The following DPP10 variants were observed in gnomAD, a reference collection of about 807,000 sequenced individuals.
DPP10 encodes the protein inactive dipeptidyl peptidase 10.
DPP10 carries 33 observed loss-of-function variants against 120.9 expected under a neutral mutation model. The observed-to-expected ratio is 0.27, with a 90% CI of 0.21 to 0.37. DPP10 has a LOEUF of 0.37. DPP10 is among the 10% of genes least tolerant of loss of function. The pLI, the probability that DPP10 is intolerant of heterozygous loss-of-function variation, is 1.00. For synonymous variants in DPP10, 337 were observed against 326.1 expected (o/e 1.03, Z -0.36); for missense variants, 816 against 942.8 (o/e 0.87, Z 1.76).
At chr2:114,933,290 G>A (rs982871923) in intron 1 of DPP10, among the ~76,000 whole-genome samples, 2 of 152,288 alleles carry the variant, frequency 1.3e-5, no homozygotes, top group Admixed American at 1.3e-4. Flanking sequence ...CATTGGTGCT[G>A]CCTGGGTACC....
At chr2:115,715,230 T>C (rs2092451783) in intron 7 of DPP10, among the ~76,000 whole-genome samples, 2 of 145,950 alleles carry the variant, frequency 1.4e-5, no homozygotes, top group African/African-American at 5.1e-5. Flanking sequence ...TCCCAGCTAC[T>C]TAGGAGGCTG....
intron 1 of DPP10, among the ~76,000 whole-genome samples, chr2:114,730,899 T>C (rs1235878049): frequency 6.6e-6 from 1 of 151,746 alleles, no homozygotes; most frequent in Non-Finnish European, 1.5e-5. Context: ...CCAGCTTTTT[T>C]TTTTCTTTTT....
chr2:115,477,630 G>T (rs1189580451), intron 3 of DPP10, among the ~76,000 whole-genome samples: 1 of 151,994 alleles, frequency 6.6e-6, no homozygotes, highest in Non-Finnish European at 1.5e-5. Context: ...ATGATTTTTT[G>T]CATAAATAGA....
intron 7 of DPP10, among the ~76,000 whole-genome samples, chr2:115,708,486 C>A (rs1375828941): frequency 6.6e-6 from 1 of 151,986 alleles, no homozygotes; most frequent in African/African-American, 2.4e-5. Flanking sequence ...TTATCCTAAT[C>A]ACTGTTTCTA....
chr2:115,613,168 G>A (rs943902295), intron 5 of DPP10, among the ~76,000 whole-genome samples: 2 of 152,144 alleles, frequency 1.3e-5, no homozygotes, highest in African/African-American at 2.4e-5. Flanking sequence ...ATGCTTGGAT[G>A]CTATTTTTAT....
chr2:115,504,211 T>C (rs1445571137), intron 4 of DPP10, among the ~76,000 whole-genome samples: 3 of 151,894 alleles, frequency 2.0e-5, no homozygotes, highest in Non-Finnish European at 2.9e-5. Flanking sequence ...AATTTTTGGA[T>C]GATACTTCTG....
At chr2:114,602,338 T>C (rs1692442933) in intron 1 of DPP10, among the ~76,000 whole-genome samples, 1 of 151,890 alleles carries the variant, frequency 6.6e-6, no homozygotes, top group African/African-American at 2.4e-5. Flanking sequence ...TGTGTGTGCA[T>C]GTGTGAATTT....
chr2:115,240,036 T>C (rs2058198227), intron 1 of DPP10, among the ~76,000 whole-genome samples: 1 of 152,224 alleles, frequency 6.6e-6, no homozygotes, highest in South Asian at 2.1e-4. Context: ...AAGTCTTTGC[T>C]GTTGTGAATA....
chr2:115,164,456 AT>A (rs767219458), intron 1 of DPP10, among the ~76,000 whole-genome samples: 3 of 152,158 alleles, frequency 2.0e-5, no homozygotes, highest in Non-Finnish European at 2.9e-5. Context: ...CATAAAAAAG[AT>A]TCATAAATTT....
intron 1 of DPP10, among the ~76,000 whole-genome samples, chr2:114,947,913 C>A (rs997485780): frequency 2.6e-5 from 4 of 151,732 alleles, no homozygotes; most frequent in African/African-American, 9.7e-5. Context: ...CATAAGTCTC[C>A]CCTCCCCACC....
At chr2:115,826,640 G>A (rs907952667) in intron 21 of DPP10, among the ~76,000 whole-genome samples, 3 of 152,158 alleles carry the variant, frequency 2.0e-5, no homozygotes, top group African/African-American at 4.8e-5. Context: ...AGAATTGCTT[G>A]AACCTGGGAG....
intron 4 of DPP10, among the ~76,000 whole-genome samples, chr2:115,520,563 C>T (rs2077746811): frequency 6.6e-6 from 1 of 151,446 alleles, no homozygotes; most frequent in Non-Finnish European, 1.5e-5. Context: ...TTTTTATTAC[C>T]AGCTTATTCC....
At chr2:115,451,820 A>C (rs902355277) in intron 3 of DPP10, among the ~76,000 whole-genome samples, 1 of 152,010 alleles carries the variant, frequency 6.6e-6, no homozygotes, top group African/African-American at 2.4e-5. Flanking sequence ...ATTTAGAATA[A>C]ATGTAAGTTT....
intron 3 of DPP10, among the ~76,000 whole-genome samples, chr2:115,485,899 C>G (rs141923215): frequency 6.6e-6 from 1 of 152,106 alleles, no homozygotes; most frequent in East Asian, 1.9e-4. Flanking sequence ...ATAATGTCAA[C>G]TGAGAGTGTT....
At chr2:114,751,892 C>T (rs148708925) in intron 1 of DPP10, among the ~76,000 whole-genome samples, 3,508 of 152,244 alleles carry the variant, frequency 0.023, 67 homozygotes, top group South Asian at 0.062. Context: ...GCTTACCAGT[C>T]GCCCGGGATT....
intron 1 of DPP10, among the ~76,000 whole-genome samples, chr2:114,720,615 G>A (rs1701643821): frequency 6.6e-6 from 1 of 152,174 alleles, no homozygotes; most frequent in Non-Finnish European, 1.5e-5. Flanking sequence ...AATGCTCAGA[G>A]AACATGAGCC....
At chr2:114,790,241 C>T (rs1369114035) in intron 1 of DPP10, among the ~76,000 whole-genome samples, 2 of 152,188 alleles carry the variant, frequency 1.3e-5, no homozygotes, top group African/African-American at 4.8e-5. Flanking sequence ...TTCCTGATTA[C>T]TCAGCTTTTG....
At position 114,484,656 on chromosome 2, in the gene DPP10, TAGAAATACA is replaced by T. The variant is rs796796708; in HGVS notation, c.60+41819_60+41827del. On this transcript the variant is annotated intron_variant, in intron 1 of 25. Coordinates refer to ENST00000410059, the MANE Select transcript of DPP10 (RefSeq NM_020868.6). ...GCAGTGGCTTCATCTAGGAGTTTGC[TAGAAATACA>T]GCCTCTCTCATCCCACACCAGAACT... Among the ~76,000 whole-genome samples, 11 of 152,260 alleles carry T rather than the reference TAGAAATACA, an allele frequency of 7.2e-5. 1 individual carries two copies. The highest frequency in any genetic ancestry group is 2.6e-4 in the African/African-American group (11 of 41,564).
intron 1 of DPP10, among the ~76,000 whole-genome samples, chr2:115,295,608 G>T (rs1347520624): frequency 6.6e-6 from 1 of 152,006 alleles, no homozygotes; most frequent in Non-Finnish European, 1.5e-5. Flanking sequence ...CTTTTTAAAT[G>T]CCTATATGGT....
Sources: gnomAD v4.1 joint callset for allele counts (sites outside exome capture counted in the v4.1 genomes callset) on GRCh38, gnomAD v4.1.1 for gene constraint, MANE v1.5 for transcripts, NCBI Gene and HGNC (gene_info 2026-07-23, HGNC 2026-07-21) for gene names.